Variants in DOCK3 observed in about 807,000 individuals in gnomAD.
DOCK3 encodes the protein dedicator of cytokinesis 3.
A neutral mutation model predicts 265.6 loss-of-function variants in DOCK3; 60 were observed. The ratio of observed to expected loss-of-function variants is 0.23; its 90% CI spans 0.18 to 0.28. DOCK3 has a LOEUF of 0.28. DOCK3 is among the 10% of genes least tolerant of loss of function. DOCK3 has a pLI of 1.00. For missense variants in DOCK3, 1,981 were observed against 2,594.3 expected, an observed-to-expected ratio of 0.76 and a Z score of 5.14; for synonymous variants, 881 against 938.0, an observed-to-expected ratio of 0.94 and a Z score of 1.11.
chr3:50,894,952 A>G (rs554564861), intron 4 of DOCK3, among the ~76,000 whole-genome samples: 5 of 152,188 alleles, frequency 3.3e-5, no homozygotes, highest in Middle Eastern at 3.4e-3. Flanking sequence ...GTATTTGACT[A>G]TTTGGTTACA....
At chr3:50,796,831 G>A (rs1266433768) in intron 2 of DOCK3, among the ~76,000 whole-genome samples, 2 of 151,870 alleles carry the variant, frequency 1.3e-5, no homozygotes, top group Non-Finnish European at 2.9e-5. Flanking sequence ...GAATTCAGCC[G>A]ACTGGCTTAG....
intron 35 of DOCK3, among the ~76,000 whole-genome samples, chr3:51,333,671 C>CT (rs2084677615): frequency 6.6e-6 from 1 of 152,142 alleles, no homozygotes; most frequent in East Asian, 1.9e-4. Flanking sequence ...GAAGTATCAC[C>CT]TGGAGGACTT....
At position 50,768,264 on chromosome 3, in the gene DOCK3, T is replaced by A. The variant is rs182799288; in HGVS notation, c.38-10411T>A. Among the ~76,000 whole-genome samples the A allele has an allele frequency of 6.1e-3, 925 of 152,240 alleles. 26 individuals carry two copies. Among genetic ancestry groups the A allele is most frequent in the East Asian group, 0.043 (225 of 5,186 alleles). On this transcript the variant is annotated intron_variant, in intron 1 of 52. Coordinates refer to ENST00000266037, the MANE Select transcript of DOCK3 (RefSeq NM_004947.5). ...ATATTGGCTGTGGGTTTGTCATAAA[T>A]AGCTCTTATTATTTTGAGATATGTC...
At chr3:51,207,165 G>A (rs1024013033) in intron 12 of DOCK3, among the ~76,000 whole-genome samples, 11 of 152,108 alleles carry the variant, frequency 7.2e-5, no homozygotes, top group African/African-American at 1.7e-4. Flanking sequence ...TCACAAATAC[G>A]TAAGGGGTAT....
intron 9 of DOCK3, among the ~76,000 whole-genome samples, chr3:51,105,706 A>G (rs559826219): frequency 6.6e-6 from 1 of 152,300 alleles, no homozygotes; most frequent in East Asian, 1.9e-4. Context: ...CCAGAAGAAC[A>G]TTTCCCACTG....
intron 9 of DOCK3, among the ~76,000 whole-genome samples, chr3:51,115,372 G>T (rs1372387449): frequency 6.6e-6 from 1 of 152,150 alleles, no homozygotes; most frequent in Non-Finnish European, 1.5e-5. Context: ...CTGTGGTTTT[G>T]ATTTGCATTT....
At chr3:51,150,279 A>G (rs1379874455) in intron 10 of DOCK3, among the ~76,000 whole-genome samples, 1 of 152,000 alleles carries the variant, frequency 6.6e-6, no homozygotes, top group East Asian at 1.9e-4. Context: ...GATCTTTTCA[A>G]AAAAACAGCT....
At chr3:50,727,010 A>G (rs2037873729) in intron 1 of DOCK3, among the ~76,000 whole-genome samples, 1 of 152,204 alleles carries the variant, frequency 6.6e-6, no homozygotes, top group Non-Finnish European at 1.5e-5. Flanking sequence ...AAAGGAAACC[A>G]TGGGCATAGA....
chr3:51,207,230 T>C lies in DOCK3; in HGVS notation c.1038-1544T>C, dbSNP rs114281077. Among the ~76,000 whole-genome samples, 415 of 152,200 alleles carry C rather than the reference T, an allele frequency of 2.7e-3. 2 individuals carry two copies. The highest frequency in any genetic ancestry group is 9.5e-3 in the African/African-American group (395 of 41,506). On this transcript the variant is annotated intron_variant, in intron 12 of 52. Coordinates refer to ENST00000266037, the MANE Select transcript of DOCK3 (RefSeq NM_004947.5). ...TGTCAGTTGTCTAGCAAATGAATTG[T>C]ATGTGTTGGGTGGAGGGGTAGATGT...
chr3:51,231,011 A>G (rs1359600019), intron 19 of DOCK3, among the ~76,000 whole-genome samples: 1 of 151,528 alleles, frequency 6.6e-6, no homozygotes, highest in Non-Finnish European at 1.5e-5. Flanking sequence ...AGTTTTTTTT[A>G]TAAATCTCCA....
chr3:51,090,013 A>G (rs942456118), intron 8 of DOCK3, among the ~76,000 whole-genome samples: 2 of 151,016 alleles, frequency 1.3e-5, no homozygotes, highest in South Asian at 2.1e-4. Context: ...CTGTCCCTAT[A>G]TTTCTTCACT....
At chr3:51,033,817 C>G (rs1332836491) in intron 5 of DOCK3, among the ~76,000 whole-genome samples, 1 of 152,008 alleles carries the variant, frequency 6.6e-6, no homozygotes, top group Non-Finnish European at 1.5e-5. Context: ...ACGCCTCATC[C>G]CTTCTTAAAA....
intron 2 of DOCK3, among the ~76,000 whole-genome samples, chr3:50,836,968 C>T (rs925072331): frequency 6.6e-6 from 1 of 152,178 alleles, no homozygotes; most frequent in African/African-American, 2.4e-5. Context: ...TTCCAATTCC[C>T]AACAAGTTCC....
At chr3:51,261,898 A>C (rs1358668097) in intron 23 of DOCK3, among the ~76,000 whole-genome samples, 1 of 152,160 alleles carries the variant, frequency 6.6e-6, no homozygotes, top group Non-Finnish European at 1.5e-5. Context: ...CTCTGAAAGA[A>C]AGACAGCAGG....
chr3:50,872,573 T>G (rs62257803), intron 3 of DOCK3, among the ~76,000 whole-genome samples: 7,176 of 152,274 alleles, frequency 0.047, 236 homozygotes, highest in Non-Finnish European at 0.073. Flanking sequence ...GCCCTGGAGC[T>G]CTAGAATGAG....
intron 5 of DOCK3, among the ~76,000 whole-genome samples, chr3:51,017,077 T>G (rs2079377412): frequency 1.3e-5 from 2 of 148,214 alleles, no homozygotes; most frequent in Non-Finnish European, 3.0e-5. Flanking sequence ...TCTGTTCAGG[T>G]TTTGGATTTC....
intron 5 of DOCK3, among the ~76,000 whole-genome samples, chr3:51,008,566 G>A (rs570245598): frequency 2.7e-4 from 41 of 152,256 alleles, no homozygotes; most frequent in African/African-American, 8.2e-4. Context: ...CAATCATGTC[G>A]TCTGCAACAG....
intron 12 of DOCK3, among the ~76,000 whole-genome samples, chr3:51,207,172 G>A (rs1471064062): frequency 1.3e-5 from 2 of 152,102 alleles, no homozygotes; most frequent in Non-Finnish European, 2.9e-5. Context: ...TACGTAAGGG[G>A]TATGCAAGGG....
chr3:50,996,641 A>G (rs1358618344), intron 5 of DOCK3, among the ~76,000 whole-genome samples: 1 of 151,702 alleles, frequency 6.6e-6, no homozygotes, highest in Non-Finnish European at 1.5e-5. Context: ...TTTCTTACTG[A>G]TTTGATTCTT....
Sources: gnomAD v4.1 joint callset for allele counts (sites outside exome capture counted in the v4.1 genomes callset) on GRCh38, gnomAD v4.1.1 for gene constraint, MANE v1.5 for transcripts, NCBI Gene and HGNC (gene_info 2026-07-23, HGNC 2026-07-21) for gene names.